The following CSMD1 variants were observed in gnomAD, a reference collection of about 807,000 sequenced individuals.
The protein encoded by CSMD1 is CUB and sushi domain-containing protein 1.
CSMD1 carries 213 observed loss-of-function variants against 417.5 expected under a neutral mutation model. The ratio of observed to expected loss-of-function variants is 0.51; its 90% CI spans 0.46 to 0.57. The LOEUF (loss-of-function observed/expected upper bound fraction) is 0.57. CSMD1 is among the 20% of genes least tolerant of loss of function. The probability of loss-of-function intolerance (pLI) is 0.00; values close to 1 mark genes in which losing one functional copy is unlikely to be tolerated. For missense variants in CSMD1, 6,923 were observed against 4,529.7 expected, an observed-to-expected ratio of 1.53 and a Z score of -15.17; for synonymous variants, 2,862 against 1,736.8, an observed-to-expected ratio of 1.65 and a Z score of -16.11.
intron 7 of CSMD1, among the ~76,000 whole-genome samples, chr8:3,639,544 G>C (rs747218130): frequency 1.8e-4 from 28 of 152,082 alleles, no homozygotes; most frequent in Non-Finnish European, 3.7e-4. Context: ...TGGATCAGAA[G>C]ACCTGACTTC....
chr8:4,041,168 C>T lies in CSMD1; in HGVS notation c.416-9069G>A, dbSNP rs556014311. Among the ~76,000 whole-genome samples, 41 of 151,890 alleles carry T rather than the reference C, an allele frequency of 2.7e-4. 1 individual carries two copies. The highest frequency in any genetic ancestry group is 3.4e-3 in the Middle Eastern group (1 of 294). On this transcript the variant is annotated intron_variant, in intron 3 of 69. Transcript: ENST00000635120. ...AGTAGCTGGGACTACAGGCGCCCGC[C>T]ACCACGCCCGGCTAATTTTTTTGTA...
At chr8:3,093,377 T>C (rs1447425551) in intron 47 of CSMD1, among the ~76,000 whole-genome samples, 1 of 151,970 alleles carries the variant, frequency 6.6e-6, no homozygotes, top group Admixed American at 6.6e-5. Context: ...AACATAAATT[T>C]CTGTTGAGGC....
At chr8:4,362,309 G>C (rs1801814140) in intron 3 of CSMD1, among the ~76,000 whole-genome samples, 1 of 152,060 alleles carries the variant, frequency 6.6e-6, no homozygotes, top group South Asian at 2.1e-4. Context: ...TGGACTCCTT[G>C]GCCCTGGGGT....
rs559870668 is a variant in CSMD1, at chr8:3,232,110, C to A, written c.4154-1879G>T. ...TACCAATACATCAGTATGATCAATG[C>A]GTAGAACATACCCTTCCCCATATCA... On this transcript the variant is annotated intron_variant, in intron 26 of 69. Transcript: ENST00000635120. 2.0e-5 allele frequency among the ~76,000 whole-genome samples: 3 copies of A among 152,314 alleles called. No homozygotes were observed. In the East Asian group the frequency reaches 5.8e-4, roughly 29 times the overall value.
chr8:4,960,279 T>A (rs1809389974), intron 1 of CSMD1, among the ~76,000 whole-genome samples: 1 of 152,204 alleles, frequency 6.6e-6, no homozygotes. Flanking sequence ...TACATAACAT[T>A]TGTTTAATTT....
chr8:4,818,322 A>G (rs1329907321), intron 1 of CSMD1, among the ~76,000 whole-genome samples: 2 of 152,216 alleles, frequency 1.3e-5, no homozygotes, highest in Middle Eastern at 3.2e-3. Context: ...CTAGATTACA[A>G]AAGTATAAAT....
At chr8:4,289,449 T>A (rs1297066541) in intron 3 of CSMD1, among the ~76,000 whole-genome samples, 1 of 152,130 alleles carries the variant, frequency 6.6e-6, no homozygotes, top group East Asian at 1.9e-4. Flanking sequence ...ACACTCTAAA[T>A]GACTCCATCA....
chr8:3,827,071 C>T (rs973033222), intron 5 of CSMD1, among the ~76,000 whole-genome samples: 3 of 152,130 alleles, frequency 2.0e-5, no homozygotes, highest in Non-Finnish European at 4.4e-5. Context: ...CATGAGCCAC[C>T]AAGCCAGCCT....
intron 3 of CSMD1, among the ~76,000 whole-genome samples, chr8:4,310,114 C>T (rs1798477577): frequency 6.6e-6 from 1 of 152,168 alleles, no homozygotes; most frequent in Non-Finnish European, 1.5e-5. Flanking sequence ...CACTTATCTC[C>T]CATTCATCCC....
rs148783657 is a variant in CSMD1 at position 4,381,220 on chromosome 8, G to C, written c.415+38733C>G. Among the ~76,000 whole-genome samples, 640 of 152,254 alleles carry C rather than the reference G, an allele frequency of 4.2e-3. 11 individuals carry two copies. Among genetic ancestry groups the C allele is most frequent in the Admixed American group, 0.038 (575 of 15,292 alleles). The stretch of plus-strand genomic sequence containing the variant: ...AAAATTTGCTGCACGGATTTAAAAT[G>C]CTGTCCCAGTGAGATTAGGGGAGCA... On this transcript the variant is annotated intron_variant, in intron 3 of 69. Coordinates refer to ENST00000635120, the MANE Select transcript of CSMD1 (RefSeq NM_033225.6).
intron 50 of CSMD1, among the ~76,000 whole-genome samples, chr8:3,050,673 T>C (rs1198970289): frequency 1.3e-5 from 2 of 152,242 alleles, no homozygotes; most frequent in East Asian, 1.9e-4. Context: ...GAAATACTAA[T>C]GTTGATTCAA....
chr8:4,712,163 T>A (rs1159878492), intron 1 of CSMD1, among the ~76,000 whole-genome samples: 1 of 152,216 alleles, frequency 6.6e-6, no homozygotes, highest in Middle Eastern at 3.2e-3. Flanking sequence ...GTGAACCTCT[T>A]CTATTTCATT....
chr8:4,478,441 G>C (rs1365929132), intron 2 of CSMD1, among the ~76,000 whole-genome samples: 5 of 152,068 alleles, frequency 3.3e-5, no homozygotes, highest in Non-Finnish European at 7.4e-5. Context: ...AGTCACAAAT[G>C]CCTTTAGATA....
chr8:3,871,880 G>T (rs1404949951), intron 5 of CSMD1, among the ~76,000 whole-genome samples: 1 of 152,128 alleles, frequency 6.6e-6, no homozygotes, highest in African/African-American at 2.4e-5. Context: ...GAAAATAACA[G>T]GTGTTGATTT....
Position 3,359,306 on chromosome 8 carries a change from G to A in CSMD1, c.3150C>T (p.Val1050=), listed in dbSNP as rs781624476. The change falls in exon 21 of 70, where the codon GTC becomes GTT. Residue 1050 remains valine, a synonymous_variant. Coordinates refer to ENST00000635120, the MANE Select transcript of CSMD1 (RefSeq NM_033225.6). ...YDLEPCDDPG[V]PAFSRRIGFH... is the part of the protein sequence containing the mutation. ...AACCAATTCTTCGGCTGAAGGCAGGGACTCCAGGATCATCACATGGCTCCA... is the reference window on the plus strand; with the variant it reads ...AACCAATTCTTCGGCTGAAGGCAGGAACTCCAGGATCATCACATGGCTCCA... The A allele has an allele frequency of 2.5e-6, 4 of 1,613,624 alleles. No homozygotes were observed. The highest frequency in any genetic ancestry group is 2.2e-5 in the East Asian group (1 of 44,840).
intron 6 of CSMD1, among the ~76,000 whole-genome samples, chr8:3,717,912 C>T (rs2623557): frequency 0.36 from 54,583 of 151,948 alleles, 10,373 homozygotes; most frequent in East Asian, 0.5. Flanking sequence ...TTTGCTAGAA[C>T]TAGAATTCTT....
intron 18 of CSMD1, among the ~76,000 whole-genome samples, chr8:3,379,248 G>A (rs1323897992): frequency 6.6e-6 from 1 of 152,054 alleles, no homozygotes; most frequent in African/African-American, 2.4e-5. Context: ...AAATAAGAGA[G>A]GACACAAACA....
chr8:3,906,557 T>C (rs1808124432), intron 5 of CSMD1, among the ~76,000 whole-genome samples: 1 of 150,604 alleles, frequency 6.6e-6, no homozygotes, highest in African/African-American at 2.4e-5. Flanking sequence ...TAGGCAGAAA[T>C]ATAAGCTGTA....
chr8:3,630,846 G>A (rs576051983), intron 7 of CSMD1, among the ~76,000 whole-genome samples: 1 of 152,114 alleles, frequency 6.6e-6, no homozygotes, highest in Non-Finnish European at 1.5e-5. Context: ...ATCCCCACAG[G>A]CAACCAAGAG....
Sources: gnomAD v4.1 joint callset for allele counts (sites outside exome capture counted in the v4.1 genomes callset) on GRCh38, gnomAD v4.1.1 for gene constraint, MANE v1.5 for transcripts, NCBI Gene and HGNC (gene_info 2026-07-23, HGNC 2026-07-21) for gene names.